The following CDK14 variants were observed in gnomAD, a reference collection of about 807,000 sequenced individuals.
CDK14 encodes the protein cyclin-dependent kinase 14.
A neutral mutation model predicts 60.7 loss-of-function variants in CDK14; 34 were observed. The ratio of observed to expected loss-of-function variants is 0.56; its 90% CI spans 0.43 to 0.75. The LOEUF (loss-of-function observed/expected upper bound fraction) is 0.75. Among genes scored for constraint, CDK14 ranks in the 30% least tolerant of loss-of-function variants. CDK14 has a pLI of 0.00. For synonymous variants in CDK14, 197 were observed against 203.7 expected (o/e 0.97, Z 0.28); for missense variants, 482 against 564.1 (o/e 0.85, Z 1.47).
intron 7 of CDK14, among the ~76,000 whole-genome samples, chr7:90,916,671 C>T (rs1437802898): frequency 6.6e-6 from 1 of 152,130 alleles, no homozygotes; most frequent in Non-Finnish European, 1.5e-5. Flanking sequence ...ATATTGGTGG[C>T]ACTTAAAAGT....
At chr7:90,929,321 T>C (rs552949812) in intron 8 of CDK14, among the ~76,000 whole-genome samples, 187 of 152,352 alleles carry the variant, frequency 1.2e-3, no homozygotes, top group African/African-American at 4.3e-3. Flanking sequence ...CTGGAGCTGT[T>C]CCTATTCGGC....
chr7:90,819,301 T>G (rs1294984381), intron 5 of CDK14, among the ~76,000 whole-genome samples: 2 of 152,164 alleles, frequency 1.3e-5, no homozygotes, highest in Non-Finnish European at 2.9e-5. Context: ...AAATGATTTG[T>G]TATGCATATG....
intron 10 of CDK14, among the ~76,000 whole-genome samples, chr7:91,025,484 G>A (rs903033297): frequency 2.6e-5 from 4 of 152,276 alleles, no homozygotes; most frequent in Non-Finnish European, 1.5e-5. Context: ...CTCATGAAAT[G>A]ACATTAATGT....
At chr7:90,776,129 G>T (rs557597692) in intron 4 of CDK14, among the ~76,000 whole-genome samples, 1 of 152,228 alleles carries the variant, frequency 6.6e-6, no homozygotes, top group African/African-American at 2.4e-5. Flanking sequence ...TACCTCTGTG[G>T]ATGACTTGGA....
At chr7:90,641,433 T>C (rs763052965) in intron 2 of CDK14, among the ~76,000 whole-genome samples, 2 of 152,196 alleles carry the variant, frequency 1.3e-5, no homozygotes, top group Non-Finnish European at 2.9e-5. Context: ...TGAAATGTTA[T>C]TCATTAATAG....
At chr7:90,611,968 G>T (rs2116342971) in intron 2 of CDK14, among the ~76,000 whole-genome samples, 1 of 151,912 alleles carries the variant, frequency 6.6e-6, no homozygotes, top group East Asian at 1.9e-4. Flanking sequence ...AGGTAGCTGG[G>T]ATTACAGACG....
intron 6 of CDK14, among the ~76,000 whole-genome samples, chr7:90,867,238 A>G (rs1204065058): frequency 6.6e-6 from 1 of 152,208 alleles, no homozygotes; most frequent in Non-Finnish European, 1.5e-5. Flanking sequence ...ATACAGGTTT[A>G]AGACTTGGAA....
intron 2 of CDK14, among the ~76,000 whole-genome samples, chr7:90,663,468 C>G (rs1800905628): frequency 1.3e-5 from 2 of 152,156 alleles, no homozygotes; most frequent in South Asian, 4.1e-4. Flanking sequence ...TTCTTCCCCT[C>G]CTTCAGTGTG....
At chr7:91,174,964 A>G (rs1045876425) in intron 14 of CDK14, among the ~76,000 whole-genome samples, 2 of 146,284 alleles carry the variant, frequency 1.4e-5, no homozygotes, top group African/African-American at 5.3e-5. Context: ...GAACGCCACA[A>G]AGATACTCCT....
chr7:91,160,695 T>C (rs1157486723), intron 14 of CDK14, among the ~76,000 whole-genome samples: 1 of 152,130 alleles, frequency 6.6e-6, no homozygotes, highest in Non-Finnish European at 1.5e-5. Context: ...TGTTTCAAAC[T>C]CCTTTTACTA....
At chr7:90,711,882 A>ACGTTTTTTTTTT (rs1408956904) in intron 2 of CDK14, among the ~76,000 whole-genome samples, 3 of 110,820 alleles carry the variant, frequency 2.7e-5, no homozygotes. Flanking sequence ...ATAGTCTACT[A>ACGTTTTTTTTTT]TGTTTTTTTT....
chr7:90,637,595 A>C (rs1348280983), intron 2 of CDK14, among the ~76,000 whole-genome samples: 1 of 151,922 alleles, frequency 6.6e-6, no homozygotes, highest in Non-Finnish European at 1.5e-5. Context: ...GTGGTGCTGC[A>C]AAAAATGTAT....
chr7:91,068,738 G>T (rs1017550148), intron 11 of CDK14, among the ~76,000 whole-genome samples: 1 of 146,516 alleles, frequency 6.8e-6, no homozygotes, highest in African/African-American at 2.5e-5. Flanking sequence ...CCTTTTGTTG[G>T]GCTCCCTGCT....
intron 3 of CDK14, among the ~76,000 whole-genome samples, chr7:90,734,144 T>TAGGG (rs1802989059): frequency 3.3e-5 from 5 of 152,228 alleles, no homozygotes; most frequent in Non-Finnish European, 5.9e-5. Context: ...GCCTCCACTC[T>TAGGG]CTTCTGGCTT....
intron 11 of CDK14, among the ~76,000 whole-genome samples, chr7:91,066,052 T>G (rs1171570560): frequency 6.6e-6 from 1 of 152,176 alleles, no homozygotes; most frequent in Non-Finnish European, 1.5e-5. Context: ...GCCACGGCTT[T>G]TTGCTTAAAT....
intron 2 of CDK14, among the ~76,000 whole-genome samples, chr7:90,629,705 A>G (rs1584752419): frequency 6.6e-6 from 1 of 152,158 alleles, no homozygotes; most frequent in East Asian, 1.9e-4. Context: ...TCAATTGATG[A>G]AAAACCTATT....
chr7:91,033,420 C>A, intron 10 of CDK14, among the ~76,000 whole-genome samples: 1 of 152,210 alleles, frequency 6.6e-6, no homozygotes, highest in South Asian at 2.1e-4. Flanking sequence ...AACTTCCTCT[C>A]CTCTATTCGT....
chr7:90,641,862 G>A (rs368235732), intron 2 of CDK14, among the ~76,000 whole-genome samples: 1 of 152,156 alleles, frequency 6.6e-6, no homozygotes, highest in East Asian at 1.9e-4. Context: ...ACAGTTCCAC[G>A]TGGCTGGGGA....
intron 5 of CDK14, among the ~76,000 whole-genome samples, chr7:90,814,209 A>G (rs1402621552): frequency 2.0e-5 from 3 of 152,198 alleles, no homozygotes; most frequent in Non-Finnish European, 2.9e-5. Flanking sequence ...TTGAAGGGAA[A>G]GAGTGAGATA....
Sources: gnomAD v4.1 joint callset for allele counts (sites outside exome capture counted in the v4.1 genomes callset) on GRCh38, gnomAD v4.1.1 for gene constraint, MANE v1.5 for transcripts, NCBI Gene and HGNC (gene_info 2026-07-23, HGNC 2026-07-21) for gene names.